Variants in CEACAM16 observed in about 807,000 individuals in gnomAD.
The protein encoded by CEACAM16 is cell adhesion molecule CEACAM16.
CEACAM16 carries 30 observed loss-of-function variants against 39.4 expected under a neutral mutation model. The observed-to-expected ratio is 0.76, with a 90% CI of 0.57 to 1.03. The LOEUF is 1.03. Among genes scored for constraint, CEACAM16 ranks in the 50% least tolerant of loss-of-function variants. The pLI, the probability that CEACAM16 is intolerant of heterozygous loss-of-function variation, is 0.00. For synonymous variants in CEACAM16, 262 were observed against 264.9 expected, an observed-to-expected ratio of 0.99 and a Z score of 0.11; for missense variants, 521 against 585.3, an observed-to-expected ratio of 0.89 and a Z score of 1.13.
At chr19:44,704,517 A>C (rs987353560) in intron 4 of CEACAM16, among the ~76,000 whole-genome samples, 1 of 152,134 alleles carries the variant, frequency 6.6e-6, no homozygotes, top group African/African-American at 2.4e-5. Flanking sequence ...GATCACCTGA[A>C]CCCAGAAGTT....
chr19:44,703,412 G>C lies in CEACAM16; in HGVS notation c.101G>C (p.Gly34Ala). Reference protein sequence around the residue: ...ITLEPAQPSEGDNVTLVVHGL... With the variant: ...ITLEPAQPSEADNVTLVVHGL... The stretch of plus-strand genomic sequence containing the variant: ...CTGGAGCCTGCCCAGCCGAGCGAAG[G>C]GGACAACGTCACGCTGGTCGTCCAT... Residue 34 changes from glycine to alanine, a missense_variant, in exon 3 of 7, where the codon GGG becomes GCG. Transcript: ENST00000587331. 1 of 1,613,806 alleles carries C rather than the reference G, an allele frequency of 6.2e-7. No homozygotes were observed. Among genetic ancestry groups the C allele is most frequent in the Non-Finnish European group, 8.5e-7 (1 of 1,179,886 alleles).
At chr19:44,703,927 A>G in intron 3 of CEACAM16, 91 bp from the exon 4 acceptor site, 2 of 1,402,392 alleles carry the variant, frequency 1.4e-6, no homozygotes, top group Non-Finnish European at 1.9e-6. Context: ...GGGCCCAGCC[A>G]CAATCCGGCC....
In CEACAM16 at chr19:44,707,932, G is replaced by A. The variant is rs754040589; in HGVS notation, c.1012G>A (p.Val338Met). ...PTEGQDVTLTVQGYPKDLLVY... is the reference protein window; with the variant it reads ...PTEGQDVTLTMQGYPKDLLVY... ...GGAGGGCCAGGACGTAACACTGACC[G>A]TGCAGGGCTACCCCAAGGACCTGCT... The change falls in exon 6 of 7, where the codon GTG becomes ATG. Residue 338 changes from valine (V) to methionine (M), a missense_variant. Physicochemically the swap from Val to Met is conservative, Grantham distance 21 (BLOSUM62 1). Transcript: ENST00000587331. The A allele has an allele frequency of 1.9e-5, 30 of 1,594,872 alleles. No individual in the cohort carries two copies. The highest frequency in any genetic ancestry group is 4.5e-5 in the East Asian group (2 of 44,328).
chr19:44,705,209 T>C (rs186384309), intron 4 of CEACAM16, among the ~76,000 whole-genome samples: 4 of 152,258 alleles, frequency 2.6e-5, no homozygotes, highest in Admixed American at 2.6e-4. Flanking sequence ...GAAACATAGA[T>C]TTCTAGAAGC....
At chr19:44,706,775 G>T (rs1349854425) in intron 5 of CEACAM16, among the ~76,000 whole-genome samples, 1 of 152,224 alleles carries the variant, frequency 6.6e-6, no homozygotes, top group Non-Finnish European at 1.5e-5. Flanking sequence ...GGTGTCCAAG[G>T]TATGCAGGTA....
chr19:44,709,267 T>C (rs1270510599), intron 6 of CEACAM16, among the ~76,000 whole-genome samples: 3 of 148,838 alleles, frequency 2.0e-5, no homozygotes, highest in Admixed American at 1.3e-4. Context: ...TGAGGGTCCA[T>C]GTCTCCTCCA....
At chr19:44,710,410 G>A in intron 6 of CEACAM16, 86 bp from the exon 7 acceptor site, 1 of 1,487,278 alleles carries the variant, frequency 6.7e-7, no homozygotes, top group Non-Finnish European at 9.2e-7. Flanking sequence ...GGTGGGCAGG[G>A]GAGCAGAAGG....
chr19:44,704,528 T>C (rs910289122), intron 4 of CEACAM16, among the ~76,000 whole-genome samples: 2 of 152,118 alleles, frequency 1.3e-5, no homozygotes, highest in Admixed American at 1.3e-4. Flanking sequence ...CCCAGAAGTT[T>C]GAGACCAGCC....
At position 44,708,047 on chromosome 19, in the gene CEACAM16, A is replaced by G. The variant is rs1055032542; in HGVS notation, c.1127A>G (p.His376Arg). 1.9e-5 allele frequency: 30 copies of G among 1,612,516 alleles called. No individual in the cohort carries two copies. Among genetic ancestry groups the G allele is most frequent in the Non-Finnish European group, 2.5e-5 (30 of 1,179,616 alleles). The change falls in exon 6 of 7, where the codon CAC becomes CGC. Residue 376 changes from histidine to arginine, a missense_variant. Coordinates refer to ENST00000587331, the MANE Select transcript of CEACAM16 (RefSeq NM_001039213.4). ...PSGTWIAGPA[H>R]TGREVGFPNC... ...GGAACCTGGATTGCAGGCCCCGCGC[A>G]CACAGGCCGGGAGGTGGGCTTCCCC...
At position 44,707,920 on chromosome 19, in the gene CEACAM16, G is replaced by A. The variant is rs761104359; in HGVS notation, c.1000G>A (p.Val334Ile). The change falls in exon 6 of 7, where the codon GTA becomes ATA. Residue 334 changes from valine (V) to isoleucine (I), a missense_variant. By Grantham distance (29) the Val-to-Ile change is conservative. Coordinates refer to ENST00000587331, the MANE Select transcript of CEACAM16 (RefSeq NM_001039213.4). ...VPTKPTEGQD[V>I]TLTVQGYPKD... ...CACCAAGCCAACGGAGGGCCAGGAC[G>A]TAACACTGACCGTGCAGGGCTACCC... The A allele has an allele frequency of 2.1e-5, 34 of 1,586,768 alleles. No homozygotes were observed. The highest frequency in any genetic ancestry group is 9.4e-5 in the African/African-American group (7 of 74,516).
chr19:44,708,796 G>T (rs1005159846), intron 6 of CEACAM16, among the ~76,000 whole-genome samples: 1 of 152,256 alleles, frequency 6.6e-6, no homozygotes, highest in Non-Finnish European at 1.5e-5. Flanking sequence ...GCCTGTAGGT[G>T]TGGAAGTTGT....
chr19:44,709,641 T>A (rs1343286061), intron 6 of CEACAM16, among the ~76,000 whole-genome samples: 11 of 127,396 alleles, frequency 8.6e-5, no homozygotes, highest in South Asian at 2.6e-4. Flanking sequence ...AGAGTCAGGG[T>A]CTATGTCTCC....
At chr19:44,703,758 C>A in intron 3 of CEACAM16, 65 bp downstream of exon 3, 5 of 1,200,274 alleles carry the variant, frequency 4.2e-6, no homozygotes, top group Non-Finnish European at 5.6e-6. Context: ...CTCAATCCTT[C>A]TTTTTTTTAA....
In CEACAM16 at chr19:44,707,881, A is replaced by T; in HGVS notation, c.961A>T (p.Ile321Phe). Reference sequence around the variant, plus strand: ...CCCAGCTGCAGCAGTTGCCACGATGATCGTGCCCGTGCCCACCAAGCCAAC... The same window carrying T: ...CCCAGCTGCAGCAGTTGCCACGATGTTCGTGCCCGTGCCCACCAAGCCAAC... ...KLSAAAVATM[I>F]VPVPTKPTEG... Residue 321 changes from isoleucine (I) to phenylalanine (F), a missense_variant, in exon 6 of 7, where the codon ATC becomes TTC. By Grantham distance (21) the Ile-to-Phe change is conservative. Coordinates refer to ENST00000587331, the MANE Select transcript of CEACAM16 (RefSeq NM_001039213.4). 2 of 1,553,426 alleles carry T rather than the reference A, an allele frequency of 1.3e-6. No individual in the cohort carries two copies. The highest frequency in any genetic ancestry group is 1.8e-5 in the Admixed American group (1 of 55,754).
At position 44,703,633 on chromosome 19, in the gene CEACAM16, C is replaced by T. The variant is rs1273276603; in HGVS notation, c.322C>T (p.Leu108=). ...ILPRHSGTYI[L]QTFNRQLQTE... is the part of the protein sequence containing the mutation. ...GCCCCGGCACTCAGGCACCTACATCCTGCAGACCTTCAACAGGCAGTTGCA... is the reference window on the plus strand; with the variant it reads ...GCCCCGGCACTCAGGCACCTACATCTTGCAGACCTTCAACAGGCAGTTGCA... The change falls in exon 3 of 7, where the codon CTG becomes TTG. Residue 108 remains leucine, a synonymous_variant. Coordinates refer to ENST00000587331, the MANE Select transcript of CEACAM16 (RefSeq NM_001039213.4). 6.2e-7 allele frequency: 1 copy of T among 1,603,578 alleles called. No individual in the cohort carries two copies. The highest frequency in any genetic ancestry group is 1.1e-5 in the South Asian group (1 of 90,118).
rs1397228266 is a variant in CEACAM16 at position 44,701,429 on chromosome 19, A to T, written c.-28A>T. On this transcript the variant is annotated 5_prime_UTR_variant, in exon 2 of 7. Transcript: ENST00000587331. The surrounding 1 kb of genome is among the most constrained non-coding windows in gnomAD (Gnocchi z 4.0). ...CGAGCACTGGGACTTCAACGCCACCATCTCCAAGACTCGGTTTGGGGTGAA... is the reference window on the plus strand; with the variant it reads ...CGAGCACTGGGACTTCAACGCCACCTTCTCCAAGACTCGGTTTGGGGTGAA... 6.4e-7 allele frequency: 1 copy of T among 1,557,922 alleles called. No homozygotes were observed.
chr19:44,702,788 G>A (rs1438282938), intron 2 of CEACAM16, among the ~76,000 whole-genome samples: 8 of 152,264 alleles, frequency 5.3e-5, no homozygotes, highest in South Asian at 2.1e-4. Flanking sequence ...CGGATCTCGC[G>A]AGACTTAGTT....
At chr19:44,706,957 A>G (rs1331387326) in intron 5 of CEACAM16, among the ~76,000 whole-genome samples, 1 of 152,150 alleles carries the variant, frequency 6.6e-6, no homozygotes, top group African/African-American at 2.4e-5. Context: ...ATCCTGGGAC[A>G]GGGAAACATG....
At chr19:44,706,312 A>AC (rs1568528641) in intron 5 of CEACAM16, among the ~76,000 whole-genome samples, 20 of 147,262 alleles carry the variant, frequency 1.4e-4, no homozygotes, top group African/African-American at 3.9e-4. Flanking sequence ...ACACACACAC[A>AC]ACTGAAGAAT....
Sources: gnomAD v4.1 joint callset for allele counts (sites outside exome capture counted in the v4.1 genomes callset) on GRCh38, gnomAD v4.1.1 for gene constraint, Gnocchi (gnomAD v3.1) non-coding constraint, MANE v1.5 for transcripts, NCBI Gene and HGNC (gene_info 2026-07-23, HGNC 2026-07-21) for gene names.